Variants in MTREX observed in about 807,000 individuals in gnomAD.
MTREX encodes exosome RNA helicase MTR4.
MTREX carries 76 observed loss-of-function variants against 135.4 expected under a neutral mutation model. That is an observed-to-expected ratio of 0.56 (90% CI 0.47 to 0.68). The LOEUF is 0.68. Among genes scored for constraint, MTREX ranks in the 30% least tolerant of loss-of-function variants. The pLI is 0.00. For synonymous variants in MTREX, 404 were observed against 401.6 expected, an observed-to-expected ratio of 1.01 and a Z score of -0.07; for missense variants, 920 against 1,262.1, an observed-to-expected ratio of 0.73 and a Z score of 4.11.
chr5:55,367,022 G>A, intron 16 of MTREX, 147 bp downstream of exon 16: 1 of 561,240 alleles, frequency 1.8e-6, no homozygotes. Context: ...TCTGGTCATT[G>A]TAACTGAATA....
chr5:55,336,146 C>T (rs576861657), intron 5 of MTREX, among the ~76,000 whole-genome samples: 45 of 152,152 alleles, frequency 3.0e-4, no homozygotes, highest in Admixed American at 1.8e-3. Flanking sequence ...CTTTTTTGTA[C>T]ATTCCATAAG....
chr5:55,340,160 A>G lies in MTREX; in HGVS notation c.666A>G (p.Ala222=), dbSNP rs1749621143. The G allele has an allele frequency of 1.3e-6, 2 of 1,593,604 alleles. No homozygotes were observed. The highest frequency in any genetic ancestry group is 1.8e-5 in the Admixed American group (1 of 56,552). ...MTGDVTINPT[A]SCLVMTTEIL... ...GTGATGTTACTATTAATCCTACGGC[A>G]TCTTGTCTTGTTATGACCACAGAGG... The change falls in exon 6 of 27, where the codon GCA becomes GCG. Residue 222 remains alanine (A), a synonymous_variant. Coordinates refer to ENST00000230640, the MANE Select transcript of MTREX (RefSeq NM_015360.5).
rs187947050 is a variant in MTREX at position 55,413,118 on chromosome 5, G to A, written c.2752-1064G>A. Among the ~76,000 whole-genome samples the A allele has an allele frequency of 4.0e-3, 602 of 152,062 alleles. 4 individuals carry two copies. Among genetic ancestry groups the A allele is most frequent in the African/African-American group, 0.014 (575 of 41,472 alleles). ...GCACTTTAGGAGGCTGAGGCGGGCA[G>A]ATCATGAGGTCAGGAGTCGACACCA... On this transcript the variant is annotated intron_variant, in intron 23 of 26. Transcript: ENST00000230640.
intron 22 of MTREX, among the ~76,000 whole-genome samples, chr5:55,408,903 T>C (rs563279645): frequency 1.1e-4 from 17 of 151,902 alleles, no homozygotes; most frequent in African/African-American, 4.1e-4. Context: ...TAATAACTAG[T>C]GCATGAACAA....
At position 55,337,791 on chromosome 5, in the gene MTREX, T is replaced by G. The variant is rs574390562; in HGVS notation, c.516-2219T>G. Among the ~76,000 whole-genome samples, 68 of 108,924 alleles carry G rather than the reference T, an allele frequency of 6.2e-4. 1 individual carries two copies. Among genetic ancestry groups the G allele is most frequent in the Middle Eastern group, 4.2e-3 (1 of 236 alleles). The allele number at this position is 108,924 out of a possible 152,430, so 71.5% of individuals were successfully genotyped here. On this transcript the variant is annotated intron_variant, in intron 5 of 26. Coordinates refer to ENST00000230640, the MANE Select transcript of MTREX (RefSeq NM_015360.5). ...GGGGTCTTTTGGTATATTTCTCATG[T>G]TTTTTTTTTGATCCTTATTTTTCCT...
chr5:55,311,775 G>A (rs1749116912), intron 1 of MTREX, among the ~76,000 whole-genome samples: 4 of 152,034 alleles, frequency 2.6e-5, no homozygotes, highest in Admixed American at 2.0e-4. Context: ...ATTTTAATTT[G>A]GTTATAATTG....
In MTREX at chr5:55,347,027, T is replaced by G; in HGVS notation, c.1123T>G (p.Phe375Val). 3 of 1,608,438 alleles carry G rather than the reference T, an allele frequency of 1.9e-6. No homozygotes were observed. Among genetic ancestry groups the G allele is most frequent in the Non-Finnish European group, 2.5e-6 (3 of 1,178,290 alleles). ...KGGTKGPSNV[F>V]KIVKMIMERN... ...TGTTTTTGCAGGACCATCAAATGTT[T>G]TCAAAATTGTGAAGATGATTATGGA... The change falls in exon 11 of 27, where the codon TTC becomes GTC. Residue 375 changes from phenylalanine (F) to valine (V), a missense_variant. Physicochemically the swap from Phe to Val is conservative, Grantham distance 50 (BLOSUM62 -1). This residue lies in a region of MTREX where 101 missense variants were observed against 119.1 expected (regional missense o/e 0.85). Coordinates refer to ENST00000230640, the MANE Select transcript of MTREX (RefSeq NM_015360.5).
At chr5:55,320,097 C>T (rs1400974331) in intron 1 of MTREX, among the ~76,000 whole-genome samples, 2 of 151,888 alleles carry the variant, frequency 1.3e-5, no homozygotes, top group Non-Finnish European at 2.9e-5. Context: ...AGCTTTTTCG[C>T]AAAATTGGGA....
chr5:55,336,844 C>T lies in MTREX; in HGVS notation c.516-3166C>T, dbSNP rs189503545. Among the ~76,000 whole-genome samples, 719 of 152,160 alleles carry T rather than the reference C, an allele frequency of 4.7e-3. 1 individual carries two copies. The highest frequency in any genetic ancestry group is 7.7e-3 in the Non-Finnish European group (524 of 67,968). On this transcript the variant is annotated intron_variant, in intron 5 of 26. Coordinates refer to ENST00000230640, the MANE Select transcript of MTREX (RefSeq NM_015360.5). The stretch of plus-strand genomic sequence containing the variant: ...AGAGCTGACTCTGGTTTATTCTAGA[C>T]TTTTGTGTCATCATGAGGAATAATG...
chr5:55,403,761 A>G (rs1469616104), intron 21 of MTREX, among the ~76,000 whole-genome samples: 2 of 152,234 alleles, frequency 1.3e-5, no homozygotes, highest in Non-Finnish European at 2.9e-5. Context: ...ATGACATGGC[A>G]TTGTGACTAC....
At position 55,352,927 on chromosome 5, in the gene MTREX, T is replaced by A. The variant is rs1579864726; in HGVS notation, c.1432-241T>A. ...GTGTATTCTCTCTAGTTGGCACTGT[T>A]AGAATTTAAGAAAGTCTGTTTTCCC... On this transcript the variant is annotated intron_variant, in intron 13 of 26. Coordinates refer to ENST00000230640, the MANE Select transcript of MTREX (RefSeq NM_015360.5). 5.3e-5 allele frequency among the ~76,000 whole-genome samples: 8 copies of A among 152,336 alleles called. No individual in the cohort carries two copies. The South Asian group carries it at 1.7e-3, about 32-fold the overall frequency.
intron 5 of MTREX, among the ~76,000 whole-genome samples, chr5:55,332,066 T>C (rs1173593947): frequency 6.6e-5 from 10 of 152,212 alleles, no homozygotes; most frequent in Non-Finnish European, 1.5e-4. Flanking sequence ...ACTAAGATTG[T>C]GTAGTCTTGC....
chr5:55,391,991 G>A (rs6881959), intron 19 of MTREX, among the ~76,000 whole-genome samples: 21,320 of 152,006 alleles, frequency 0.14, 1,886 homozygotes, highest in East Asian at 0.26. Context: ...ACAAACCTCA[G>A]TGTAGATATC....
At chr5:55,389,011 T>A (rs894146879) in intron 19 of MTREX, among the ~76,000 whole-genome samples, 1 of 152,224 alleles carries the variant, frequency 6.6e-6, no homozygotes, top group Non-Finnish European at 1.5e-5. Flanking sequence ...GCAGTATTTT[T>A]AAAAAGACAA....
chr5:55,361,315 T>G (rs1368167878), intron 15 of MTREX, among the ~76,000 whole-genome samples: 2 of 152,220 alleles, frequency 1.3e-5, no homozygotes, highest in Non-Finnish European at 2.9e-5. Flanking sequence ...ACTTTATACA[T>G]TAGTATAATT....
intron 10 of MTREX, among the ~76,000 whole-genome samples, chr5:55,346,112 T>C (rs556560738): frequency 2.5e-4 from 38 of 152,348 alleles, no homozygotes; most frequent in African/African-American, 8.7e-4. Flanking sequence ...GGAATGCTGT[T>C]GTAAACATTG....
At chr5:55,418,707 C>T (rs1483521913) in intron 25 of MTREX, among the ~76,000 whole-genome samples, 1 of 152,054 alleles carries the variant, frequency 6.6e-6, no homozygotes, top group East Asian at 1.9e-4. Flanking sequence ...GCCCTTAAAA[C>T]TATTTTTTGA....
rs530188824 is a variant in MTREX at position 55,350,900 on chromosome 5, T to C, written c.1321-19T>C. On this transcript the variant is annotated intron_variant, in intron 12 of 26. Transcript: ENST00000230640. ...TTTTCTCACATCATTATAAAATCAG[T>C]GTTATTCCAAAATCACAGGTAGAAC... is the stretch of plus-strand genomic sequence containing the variant. The C allele has an allele frequency of 1.1e-4, 174 of 1,549,888 alleles. 2 individuals carry two copies. In the East Asian group the frequency reaches 3.1e-3, roughly 27 times the overall value.
chr5:55,358,138 T>C (rs1455201975), intron 14 of MTREX, among the ~76,000 whole-genome samples: 2 of 152,098 alleles, frequency 1.3e-5, no homozygotes, highest in African/African-American at 4.8e-5. Flanking sequence ...AGATCAAGAT[T>C]TTGCTGTTTT....
Sources: gnomAD v4.1 joint callset for allele counts (sites outside exome capture counted in the v4.1 genomes callset) on GRCh38, gnomAD v4.1.1 for gene constraint, gnomAD v4.1.1 regional missense constraint, MANE v1.5 for transcripts, NCBI Gene and HGNC (gene_info 2026-07-23, HGNC 2026-07-21) for gene names.